Variants in GIGYF2 observed in about 807,000 individuals in gnomAD.
The protein encoded by GIGYF2 is GRB10 interacting GYF protein 2, also known as GRB10-interacting GYF protein 2.
In GIGYF2, 25 loss-of-function variants were observed where a neutral mutation model predicts 208.1. The ratio of observed to expected loss-of-function variants is 0.12; its 90% CI spans 0.09 to 0.17. The LOEUF is 0.17. GIGYF2 is among the 10% of genes least tolerant of loss of function. The pLI is 1.00. For synonymous variants in GIGYF2, 534 were observed against 543.8 expected (o/e 0.98, Z 0.25); for missense variants, 1,302 against 1,579.4 (o/e 0.82, Z 2.98).
chr2:232,781,287 T>TACACACACACACACACACACACAC (rs3062047), intron 8 of GIGYF2, among the ~76,000 whole-genome samples: 6 of 127,058 alleles, frequency 4.7e-5, no homozygotes, highest in African/African-American at 1.3e-4. Flanking sequence ...ATATCAGGAA[T>TACACACACACACACACACACACAC]ACACACACAC....
chr2:232,718,521 T>C (rs10205567), intron 2 of GIGYF2, among the ~76,000 whole-genome samples: 2 of 152,200 alleles, frequency 1.3e-5, no homozygotes, highest in African/African-American at 4.8e-5. Context: ...TTGACAATTA[T>C]AAATAAAGCT....
At chr2:232,812,571 AT>A (rs1020527220) in intron 18 of GIGYF2, 80 bp downstream of exon 18, 10 of 703,270 alleles carry the variant, frequency 1.4e-5, no homozygotes, top group Non-Finnish European at 2.3e-5. Context: ...TTCTTAAAAA[AT>A]ATATTAGGTT....
intron 2 of GIGYF2, among the ~76,000 whole-genome samples, chr2:232,717,277 A>G (rs1696730716): frequency 6.6e-6 from 1 of 152,076 alleles, no homozygotes; most frequent in Non-Finnish European, 1.5e-5. Flanking sequence ...ACAGCCCTGC[A>G]CTCTAGCCTG....
At chr2:232,725,001 A>G (rs1406201328) in intron 2 of GIGYF2, among the ~76,000 whole-genome samples, 1 of 151,950 alleles carries the variant, frequency 6.6e-6, no homozygotes. Flanking sequence ...ATATCTATAT[A>G]TATCCAGTGT....
chr2:232,760,223 A>C (rs527614599), intron 6 of GIGYF2: 33 of 343,202 alleles, frequency 9.6e-5, no homozygotes, highest in African/African-American at 6.1e-4. Context: ...TAAAGTTGAT[A>C]CTTTCTTGTT....
At position 232,761,388 on chromosome 2, in the gene GIGYF2, T is replaced by G. The variant is rs762368149; in HGVS notation, c.492-8T>G. ...GACTTTGTTTGAAACTTATTTTTTCTTTTCCAGGGGTGACAGACGTTTTGA... is the reference window on the plus strand; with the variant it reads ...GACTTTGTTTGAAACTTATTTTTTCGTTTCCAGGGGTGACAGACGTTTTGA... On this transcript the variant is annotated splice_region_variant and splice_polypyrimidine_tract_variant and intron_variant, in intron 7 of 28. Transcript: ENST00000373563. 30 of 1,597,136 alleles carry G rather than the reference T, an allele frequency of 1.9e-5. No individual in the cohort carries two copies. The East Asian group carries it at 6.3e-4, about 33-fold the overall frequency.
At chr2:232,837,787 G>A (rs1342328437) in intron 22 of GIGYF2, among the ~76,000 whole-genome samples, 1 of 152,134 alleles carries the variant, frequency 6.6e-6, no homozygotes, top group African/African-American at 2.4e-5. Context: ...TTTTAAAAAT[G>A]ATCTTCACCA....
rs1225793531 is a variant in GIGYF2 at position 232,748,898 on chromosome 2, AAG to A, written c.172-86_172-85del. 4 of 772,164 alleles carry A rather than the reference AAG, an allele frequency of 5.2e-6. No homozygotes were observed. In the African/African-American group the frequency reaches 6.8e-5, roughly 13 times the overall value. 47.8% of individuals were successfully genotyped at this position (772,164 alleles called of 1,614,324 possible). A position where few individuals can be genotyped will look rare whatever the true frequency, so the allele number is the denominator to read the frequency against. ...ATTTATAATAATCAACAATAAATAG[AAG>A]AGTATTCTTTCTTGGATTTATCTTC... On this transcript the variant is annotated intron_variant, in intron 4 of 28. Transcript: ENST00000373563.
rs1801251 is a variant in GIGYF2 at position 232,768,750 on chromosome 2, G to A, written c.532+7314G>A. 0.36 allele frequency: 571,473 copies of A among 1,600,060 alleles called. 107,286 individuals are homozygous for A. The highest frequency in any genetic ancestry group is 0.63 in the South Asian group (56,723 of 90,468). On this transcript the variant is annotated intron_variant, in intron 8 of 28. Transcript: ENST00000373563. Reference sequence around the variant, plus strand: ...GCCATCCATGTGAGCTACTACTGCTGTGTCAGTAAAGCGAATTGAAAAAGC... The same window carrying A: ...GCCATCCATGTGAGCTACTACTGCTATGTCAGTAAAGCGAATTGAAAAAGC...
intron 2 of GIGYF2, among the ~76,000 whole-genome samples, chr2:232,724,361 A>T (rs1158057808): frequency 4.0e-5 from 6 of 151,872 alleles, no homozygotes; most frequent in African/African-American, 1.2e-4. Flanking sequence ...CTGGCCTCAC[A>T]TGTAAGATTC....
intron 3 of GIGYF2, among the ~76,000 whole-genome samples, chr2:232,743,612 T>A (rs936859873): frequency 2.6e-5 from 4 of 152,310 alleles, no homozygotes; most frequent in African/African-American, 9.6e-5. Context: ...CTTCTTTGTG[T>A]TCATGAGTTC....
rs765470249 is a variant in GIGYF2, at chr2:232,791,084, A to G, written c.1007A>G (p.Asp336Gly). Residue 336 changes from aspartate (D) to glycine (G), a missense_variant, in exon 11 of 29, where the codon GAC becomes GGC. Asp to Gly is a moderately conservative substitution (Grantham distance 94). Transcript: ENST00000373563. ...RPVDEGEECS[D>G]SEGSHNEEAK... ...GTGGACGAAGGGGAGGAGTGCTCTG[A>G]CTCTGAGGGTAGCCATAATGAAGAG... is the stretch of plus-strand genomic sequence containing the variant. The G allele has an allele frequency of 6.2e-7, 1 of 1,613,846 alleles. No individual in the cohort carries two copies. The highest frequency in any genetic ancestry group is 1.1e-5 in the South Asian group (1 of 91,078).
chr2:232,787,002 A>G, intron 8 of GIGYF2, 148 bp from the exon 9 acceptor site: 2 of 663,972 alleles, frequency 3.0e-6, no homozygotes, highest in South Asian at 1.7e-5. Context: ...AATAATATAT[A>G]CATATACCCA....
chr2:232,748,953 C>G, intron 4 of GIGYF2, 34 bp from the exon 5 acceptor site: 1 of 903,424 alleles, frequency 1.1e-6, no homozygotes, highest in South Asian at 1.3e-5. Flanking sequence ...GCAGAAATAG[C>G]ATTAATCTCA....
chr2:232,815,859 G>C, intron 19 of GIGYF2, 122 bp downstream of exon 19: 1 of 689,540 alleles, frequency 1.5e-6, no homozygotes, highest in Non-Finnish European at 2.7e-6. Context: ...TGCTTAGCTG[G>C]TATAAGTACA....
chr2:232,828,365 T>C (rs1185954755), intron 21 of GIGYF2, among the ~76,000 whole-genome samples: 1 of 151,656 alleles, frequency 6.6e-6, no homozygotes, highest in Non-Finnish European at 1.5e-5. Context: ...TTTAAAAATT[T>C]ATTGACTTTT....
At chr2:232,791,995 A>T (rs1700082701) in intron 12 of GIGYF2, among the ~76,000 whole-genome samples, 2 of 152,334 alleles carry the variant, frequency 1.3e-5, no homozygotes, top group South Asian at 2.1e-4. Context: ...GTACGTATTT[A>T]AAAATGTCAT....
chr2:232,856,170 T>A (rs1364386252), intron 28 of GIGYF2, among the ~76,000 whole-genome samples: 3 of 152,064 alleles, frequency 2.0e-5, no homozygotes, highest in African/African-American at 7.2e-5. Flanking sequence ...CCTGACCTCA[T>A]GATCCGCCTG....
intron 8 of GIGYF2, chr2:232,767,134 C>T (rs1699001155): frequency 6.6e-6 from 1 of 152,116 alleles, no homozygotes; most frequent in African/African-American, 2.4e-5. Flanking sequence ...GTCCAACCTC[C>T]TACTGGTGAA....
Sources: allele counts gnomAD v4.1 joint callset (sites outside exome capture counted in the v4.1 genomes callset), GRCh38; gene constraint gnomAD v4.1.1; transcripts MANE v1.5; gene names NCBI Gene and HGNC (gene_info 2026-07-23, HGNC 2026-07-21).